The following HSD17B2 variants were observed in gnomAD, a reference collection of about 807,000 sequenced individuals.
The protein encoded by HSD17B2 is hydroxysteroid 17-beta dehydrogenase 2.
A neutral mutation model predicts 26.9 loss-of-function variants in HSD17B2; 32 were observed. That is an observed-to-expected ratio of 1.19 (90% CI 0.90 to 1.60). The LOEUF is 1.60. Among genes scored for constraint, HSD17B2 ranks in the 40% most tolerant of loss-of-function variants. HSD17B2 has a pLI of 0.00. For missense variants in HSD17B2, 613 were observed against 468.6 expected, an observed-to-expected ratio of 1.31 and a Z score of -2.85; for synonymous variants, 246 against 186.7, an observed-to-expected ratio of 1.32 and a Z score of -2.59.
intron 1 of HSD17B2, among the ~76,000 whole-genome samples, chr16:82,063,873 C>T (rs1914510034): frequency 6.6e-6 from 1 of 152,162 alleles, no homozygotes; most frequent in African/African-American, 2.4e-5. Context: ...TTTGTTCCGA[C>T]TGACCAGTGG....
Position 82,070,978 on chromosome 16 carries a change from G to A in HSD17B2, c.515G>A (p.Gly172Asp), listed in dbSNP as rs1303899794. Residue 172 changes from glycine (G) to aspartate (D), a missense_variant, in exon 3 of 5, where the codon GGC becomes GAC. Transcript: ENST00000199936. ...WAVINNAGVL[G>D]FPTDGELLLM... ...GTGATCAACAATGCTGGGGTGCTTG[G>A]CTTTCCAACTGATGGGGAGCTTCTT... 1 of 1,614,196 alleles carries A rather than the reference G, an allele frequency of 6.2e-7. No homozygotes were observed. The highest frequency in any genetic ancestry group is 1.7e-5 in the Admixed American group (1 of 60,026).
At chr16:82,041,563 T>G (rs1037283674) in intron 1 of HSD17B2, among the ~76,000 whole-genome samples, 3 of 152,260 alleles carry the variant, frequency 2.0e-5, no homozygotes, top group African/African-American at 7.2e-5. Flanking sequence ...TCCACCAGTC[T>G]GCTGAAACTG....
intron 3 of HSD17B2, among the ~76,000 whole-genome samples, chr16:82,080,788 T>C (rs1035913102): frequency 2.6e-5 from 4 of 152,192 alleles, no homozygotes; most frequent in Non-Finnish European, 5.9e-5. Flanking sequence ...GAACACTTTC[T>C]CCTCATTCTT....
At chr16:82,077,128 A>G (rs1426826508) in intron 3 of HSD17B2, among the ~76,000 whole-genome samples, 1 of 152,218 alleles carries the variant, frequency 6.6e-6, no homozygotes, top group Non-Finnish European at 1.5e-5. Flanking sequence ...TCCATATCCA[A>G]ATACCAATGA....
chr16:82,098,346 A>T lies in HSD17B2; in HGVS notation c.1074A>T (p.Ile358=). Reference sequence around the variant, plus strand: ...TTGCTCACTATTTGCCTATTGGCATATATGATTACTTTGCTAAAAGACATT... The same window carrying T: ...TTGCTCACTATTTGCCTATTGGCATTTATGATTACTTTGCTAAAAGACATT... ...ICLAHYLPIG[I]YDYFAKRHFG... The change falls in exon 5 of 5, where the codon ATA becomes ATT. Residue 358 remains isoleucine, a synonymous_variant. Transcript: ENST00000199936. 6.2e-7 allele frequency: 1 copy of T among 1,614,212 alleles called. No individual in the cohort carries two copies. Among genetic ancestry groups the T allele is most frequent in the Non-Finnish European group, 8.5e-7 (1 of 1,180,014 alleles).
intron 3 of HSD17B2, 23 bp from the exon 4 acceptor site, chr16:82,090,875 CTTCT>C: frequency 1.9e-6 from 3 of 1,582,946 alleles, no homozygotes; most frequent in Non-Finnish European, 2.6e-6. Flanking sequence ...TCTAACTTTG[CTTCT>C]TTTTCTCCCA....
At chr16:82,079,747 G>C (rs955915394) in intron 3 of HSD17B2, among the ~76,000 whole-genome samples, 8 of 152,182 alleles carry the variant, frequency 5.3e-5, no homozygotes, top group African/African-American at 1.9e-4. Context: ...GAAAAAGCTA[G>C]AATGTAACAC....
chr16:82,096,577 C>A (rs187513541), intron 4 of HSD17B2: 6 of 151,992 alleles, frequency 3.9e-5, no homozygotes, highest in African/African-American at 1.2e-4. Context: ...AAAAATTATA[C>A]GTGTGTATGC....
At chr16:82,089,590 G>C (rs1211357689) in intron 3 of HSD17B2, among the ~76,000 whole-genome samples, 1 of 152,174 alleles carries the variant, frequency 6.6e-6, no homozygotes, top group Non-Finnish European at 1.5e-5. Flanking sequence ...TAAAACATCA[G>C]AAATTTTTTC....
intron 3 of HSD17B2, among the ~76,000 whole-genome samples, chr16:82,079,003 C>A (rs774768137): frequency 6.6e-6 from 1 of 152,112 alleles, no homozygotes; most frequent in African/African-American, 2.4e-5. Context: ...TTTAATTGTG[C>A]ATTTAAAAAT....
At chr16:82,086,324 T>C (rs1036154756) in intron 3 of HSD17B2, among the ~76,000 whole-genome samples, 1 of 152,210 alleles carries the variant, frequency 6.6e-6, no homozygotes, top group African/African-American at 2.4e-5. Context: ...TGATACACGC[T>C]ACAACATGAA....
intron 1 of HSD17B2, among the ~76,000 whole-genome samples, chr16:82,043,501 G>A (rs987476101): frequency 2.1e-5 from 3 of 143,278 alleles, no homozygotes; most frequent in Non-Finnish European, 4.4e-5. Context: ...TGGCTAACAC[G>A]GTGAAACCCC....
chr16:82,056,240 A>T (rs1235294511), intron 1 of HSD17B2, among the ~76,000 whole-genome samples: 2 of 152,148 alleles, frequency 1.3e-5, no homozygotes, highest in African/African-American at 4.8e-5. Context: ...GATAAAAGGG[A>T]CCTTGGGATA....
intron 1 of HSD17B2, among the ~76,000 whole-genome samples, chr16:82,061,064 G>C (rs1026713379): frequency 6.6e-6 from 1 of 152,060 alleles, no homozygotes; most frequent in Non-Finnish European, 1.5e-5. Flanking sequence ...TTCAAGACCA[G>C]CCTGGCCAAG....
rs372223061 is a variant in HSD17B2, at chr16:82,070,998, C to G, written c.535C>G (p.Leu179Val). The change falls in exon 3 of 5, where the codon CTT (leucine) becomes GTT (valine). Residue 179 changes from leucine (L) to valine (V), a missense_variant. By Grantham distance (32) the Leu-to-Val change is conservative. Coordinates refer to ENST00000199936, the MANE Select transcript of HSD17B2 (RefSeq NM_002153.3). Reference protein sequence around the residue: ...GVLGFPTDGELLLMTDYKQCM... With the variant: ...GVLGFPTDGEVLLMTDYKQCM... ...GCTTGGCTTTCCAACTGATGGGGAG[C>G]TTCTTCTTATGACTGACTACAAACA... The G allele has an allele frequency of 6.2e-7, 1 of 1,614,074 alleles. No individual in the cohort carries two copies.
intron 1 of HSD17B2, among the ~76,000 whole-genome samples, chr16:82,053,949 T>C (rs1013173370): frequency 2.6e-5 from 4 of 152,116 alleles, no homozygotes; most frequent in Non-Finnish European, 5.9e-5. Flanking sequence ...ATAATCAAAG[T>C]GATTCAGATA....
chr16:82,035,393 T>C lies in HSD17B2; in HGVS notation c.-32T>C. 1 of 1,594,544 alleles carries C rather than the reference T, an allele frequency of 6.3e-7. No homozygotes were observed. On this transcript the variant is annotated 5_prime_UTR_variant, in exon 1 of 5. Transcript: ENST00000199936. Reference sequence around the variant, plus strand: ...CTTTGCCCGCTAGACTCACTGGCCCTGAGCACTTGAAGGTGCAGCAAGTCA... The same window carrying C: ...CTTTGCCCGCTAGACTCACTGGCCCCGAGCACTTGAAGGTGCAGCAAGTCA...
intron 3 of HSD17B2, 96 bp from the exon 4 acceptor site, chr16:82,090,806 C>A: frequency 8.4e-7 from 1 of 1,191,484 alleles, no homozygotes; most frequent in East Asian, 2.6e-5. Context: ...GTCACTGATA[C>A]CAGTTCCTAC....
chr16:82,098,005 A>G, intron 4 of HSD17B2, 70 bp from the exon 5 acceptor site: 1 of 1,498,906 alleles, frequency 6.7e-7, no homozygotes, highest in South Asian at 1.3e-5. Flanking sequence ...TTCCCAACAG[A>G]GACAAGCGCC....
Sources: gnomAD v4.1 joint callset for allele counts (sites outside exome capture counted in the v4.1 genomes callset) on GRCh38, gnomAD v4.1.1 for gene constraint, MANE v1.5 for transcripts, NCBI Gene and HGNC (gene_info 2026-07-23, HGNC 2026-07-21) for gene names.